Variants in OPA3 observed in about 807,000 individuals in gnomAD.
The protein encoded by OPA3 is outer mitochondrial membrane lipid metabolism regulator OPA3, also known as optic atrophy 3 protein.
OPA3 carries 6 observed loss-of-function variants against 4.0 expected under a neutral mutation model. That is an observed-to-expected ratio of 1.51 (90% CI 0.83 to 2.99). OPA3 has a LOEUF of 2.99. Among genes scored for constraint, OPA3 ranks in the 30% most tolerant of loss-of-function variants. OPA3 has a pLI of 0.00. For synonymous variants in OPA3, 105 were observed against 117.1 expected (o/e 0.90, Z 0.67); for missense variants, 235 against 256.2 (o/e 0.92, Z 0.56).
chr19:45,540,228 A>G (rs1969168625), intron 1 of OPA3, among the ~76,000 whole-genome samples: 2 of 151,846 alleles, frequency 1.3e-5, no homozygotes, highest in Admixed American at 1.3e-4. Context: ...GAGGCAGGAG[A>G]ATCGCTTGAA....
intron 1 of OPA3, among the ~76,000 whole-genome samples, chr19:45,581,503 G>A (rs1217800491): frequency 6.6e-6 from 1 of 152,152 alleles, no homozygotes; most frequent in Non-Finnish European, 1.5e-5. Flanking sequence ...TCTCAGCTCT[G>A]CCCACTGTTG....
rs114596349 is a variant in OPA3, at chr19:45,570,063, C to T, written c.142+14560G>A. Among the ~76,000 whole-genome samples the T allele has an allele frequency of 4.1e-3, 622 of 152,302 alleles. 4 individuals carry two copies. The highest frequency in any genetic ancestry group is 0.014 in the African/African-American group (584 of 41,566). ...GGCCTCTGGTGCTTTCTCAGGCAGG[C>T]GCCATCCCCAGGCTGACACGGGCGC... On this transcript the variant is annotated intron_variant, in intron 1 of 1. Coordinates refer to ENST00000263275, the MANE Select transcript of OPA3 (RefSeq NM_025136.4).
intron 1 of OPA3, among the ~76,000 whole-genome samples, chr19:45,572,791 A>ATC (rs1246758158): frequency 7.5e-5 from 6 of 80,198 alleles, no homozygotes; most frequent in Non-Finnish European, 1.7e-4. Flanking sequence ...CTATATATAG[A>ATC]TATATATATC....
At position 45,551,917 on chromosome 19, in the gene OPA3, C is replaced by T. The variant is rs1277690852; in HGVS notation, c.*1597G>A. On this transcript the variant is annotated 3_prime_UTR_variant, in exon 2 of 2. Coordinates refer to ENST00000263275, the MANE Select transcript of OPA3 (RefSeq NM_025136.4). ...TCGACTGGGTCCCTGAGAAATGCTA[C>T]TGAGCAAGGTGGGGAAGGCAAGAAA... 2.0e-6 allele frequency: 2 copies of T among 985,428 alleles called. No individual in the cohort carries two copies. Among genetic ancestry groups the T allele is most frequent in the East Asian group, 1.1e-4 (1 of 8,822 alleles). 61.0% of individuals were successfully genotyped at this position (985,428 alleles called of 1,614,324 possible).
At chr19:45,537,486 T>G (rs949428903) in intron 1 of OPA3, among the ~76,000 whole-genome samples, 21 of 150,590 alleles carry the variant, frequency 1.4e-4, no homozygotes, top group Admixed American at 1.3e-3. Flanking sequence ...AATCATAGAC[T>G]GGAAGAAGCC....
chr19:45,554,750 A>C (rs1234155849), intron 1 of OPA3, among the ~76,000 whole-genome samples: 1 of 152,170 alleles, frequency 6.6e-6, no homozygotes, highest in African/African-American at 2.4e-5. Flanking sequence ...TTTACTTTTA[A>C]GGTTTAGTAA....
intron 1 of OPA3, among the ~76,000 whole-genome samples, chr19:45,572,363 A>C (rs1036289657): frequency 5.1e-5 from 7 of 136,382 alleles, no homozygotes; most frequent in Admixed American, 7.8e-5. Context: ...CATATATGAG[A>C]TATATATCGA....
rs1378445574 is a variant in OPA3, at chr19:45,548,069, A to G, written c.*5445T>C. ...CAGTGAGGGCCTCTGCTTGCTCCCA[A>G]CTGGCTCCCAGCTACTAGAATGGAG... On this transcript the variant is annotated 3_prime_UTR_variant, in exon 2 of 2. Coordinates refer to ENST00000263275, the MANE Select transcript of OPA3 (RefSeq NM_025136.4). 1 of 965,538 alleles carries G rather than the reference A, an allele frequency of 1.0e-6. No individual in the cohort carries two copies. Among genetic ancestry groups the G allele is most frequent in the Non-Finnish European group, 1.2e-6 (1 of 812,078 alleles). 59.8% of individuals were successfully genotyped at this position (965,538 alleles called of 1,614,324 possible). A position where few individuals can be genotyped will look rare whatever the true frequency, so the allele number is the denominator to read the frequency against.
In OPA3 at chr19:45,548,487, G is replaced by A. The variant is rs1039269566; in HGVS notation, c.*5027C>T. 1.0e-6 allele frequency: 1 copy of A among 985,288 alleles called. No homozygotes were observed. Among genetic ancestry groups the A allele is most frequent in the Non-Finnish European group, 1.2e-6 (1 of 829,964 alleles). The allele number at this position is 985,288 out of a possible 1,614,324, so 61.0% of individuals were successfully genotyped here. On this transcript the variant is annotated 3_prime_UTR_variant, in exon 2 of 2. Coordinates refer to ENST00000263275, the MANE Select transcript of OPA3 (RefSeq NM_025136.4). ...GGATTCCGGATTCAGCCCAGCCCCTGCTTCCTAAACAACTATGGGGTGGGG... is the reference window on the plus strand; with the variant it reads ...GGATTCCGGATTCAGCCCAGCCCCTACTTCCTAAACAACTATGGGGTGGGG...
chr19:45,528,458 AG>A (rs1431552765), exon 2 of OPA3: 3 of 153,828 alleles, frequency 2.0e-5, no homozygotes, highest in African/African-American at 7.2e-5. Context: ...GACTCATTGG[AG>A]CTAACGCAGT....
At chr19:45,584,330 C>A in intron 1 of OPA3, 1 of 985,294 alleles carries the variant, frequency 1.0e-6, no homozygotes, top group Non-Finnish European at 1.2e-6. Context: ...CCAAATTTCT[C>A]CCATCTCTCA....
In OPA3 at chr19:45,553,331, C is replaced by A; in HGVS notation, c.*183G>T. On this transcript the variant is annotated 3_prime_UTR_variant, in exon 2 of 2. Transcript: ENST00000263275. ...GATGATGGAGGGGGCTATGTTGCAA[C>A]GCTTCACCTGCTGGTCCCAGTGGCA... 1 of 1,477,236 alleles carries A rather than the reference C, an allele frequency of 6.8e-7. No individual in the cohort carries two copies. Among genetic ancestry groups the A allele is most frequent in the South Asian group, 1.3e-5 (1 of 74,284 alleles). 91.5% of individuals were successfully genotyped at this position (1,477,236 alleles called of 1,614,324 possible). A position where few individuals can be genotyped will look rare whatever the true frequency, so the allele number is the denominator to read the frequency against.
chr19:45,568,649 G>A (rs959730146), intron 1 of OPA3, among the ~76,000 whole-genome samples: 2 of 152,050 alleles, frequency 1.3e-5, no homozygotes, highest in African/African-American at 4.8e-5. Flanking sequence ...TTACCAGAGG[G>A]GCATGACTGG....
intron 1 of OPA3, among the ~76,000 whole-genome samples, chr19:45,561,430 G>C (rs1969500859): frequency 6.6e-6 from 1 of 152,176 alleles, no homozygotes; most frequent in Non-Finnish European, 1.5e-5. Context: ...ATGAAGGGAA[G>C]GTATTCCTCA....
intron 1 of OPA3, among the ~76,000 whole-genome samples, chr19:45,564,860 CTATCA>C (rs1417132423): frequency 2.0e-5 from 3 of 152,126 alleles, no homozygotes; most frequent in Non-Finnish European, 2.9e-5. Flanking sequence ...CTCAAATGTC[CTATCA>C]TAAGTCTCTG....
In OPA3 at chr19:45,549,706, C is replaced by T. The variant is rs1313996581; in HGVS notation, c.*3808G>A. The T allele has an allele frequency of 1.0e-6, 1 of 964,042 alleles. No individual in the cohort carries two copies. The highest frequency in any genetic ancestry group is 1.2e-6 in the Non-Finnish European group (1 of 810,798). The allele number at this position is 964,042 out of a possible 1,614,324, so 59.7% of individuals were successfully genotyped here. Reference sequence around the variant, plus strand: ...TGTTGGCCAGGCTGGTCTCGATCTCCTAACATCATGTGATCAGTCCACCTT... The same window carrying T: ...TGTTGGCCAGGCTGGTCTCGATCTCTTAACATCATGTGATCAGTCCACCTT... On this transcript the variant is annotated 3_prime_UTR_variant, in exon 2 of 2. Transcript: ENST00000263275.
chr19:45,537,443 T>C (rs1159991479), intron 1 of OPA3, among the ~76,000 whole-genome samples: 4 of 125,300 alleles, frequency 3.2e-5, no homozygotes, highest in Non-Finnish European at 6.7e-5. Flanking sequence ...ACTTTCATTC[T>C]TCAAAAGACA....
rs150258399 is a variant in OPA3 at position 45,576,563 on chromosome 19, A to C, written c.142+8060T>G. Among the ~76,000 whole-genome samples, 608 of 148,730 alleles carry C rather than the reference A, an allele frequency of 4.1e-3. 5 individuals are homozygous for C. The highest frequency in any genetic ancestry group is 0.015 in the African/African-American group (591 of 39,968). On this transcript the variant is annotated intron_variant, in intron 1 of 1. Coordinates refer to ENST00000263275, the MANE Select transcript of OPA3 (RefSeq NM_025136.4). ...CCCCCCCCCCAAAAAAAAAAGTCCAAAATGGCTTTCACTAGGCTAATCTCA... is the reference window on the plus strand; with the variant it reads ...CCCCCCCCCCAAAAAAAAAAGTCCACAATGGCTTTCACTAGGCTAATCTCA...
intron 1 of OPA3, among the ~76,000 whole-genome samples, chr19:45,567,449 A>G (rs1969600437): frequency 6.6e-6 from 1 of 152,090 alleles, no homozygotes; most frequent in Non-Finnish European, 1.5e-5. Flanking sequence ...TTCATAGTGT[A>G]TGATTCCATT....
Sources: allele counts gnomAD v4.1 joint callset (sites outside exome capture counted in the v4.1 genomes callset), GRCh38; gene constraint gnomAD v4.1.1; transcripts MANE v1.5; gene names NCBI Gene and HGNC (gene_info 2026-07-23, HGNC 2026-07-21).